The following DISP1 variants were observed in gnomAD, a reference collection of about 807,000 sequenced individuals.
The protein encoded by DISP1 is protein dispatched homolog 1.
In DISP1, 30 loss-of-function variants were observed where a neutral mutation model predicts 37.3. The ratio of observed to expected loss-of-function variants is 0.80; its 90% CI spans 0.60 to 1.09. The LOEUF is 1.09. Ranked by LOEUF, DISP1 falls within the 50% of genes least tolerant of loss-of-function variation. The pLI is 0.00. For missense variants in DISP1, 1,598 were observed against 1,879.5 expected (o/e 0.85, Z 2.77); for synonymous variants, 634 against 690.2 (o/e 0.92, Z 1.28).
At chr1:222,935,351 C>G (rs1362041184) in intron 2 of DISP1, among the ~76,000 whole-genome samples, 1 of 152,106 alleles carries the variant, frequency 6.6e-6, no homozygotes, top group Non-Finnish European at 1.5e-5. Flanking sequence ...TCTGGTGAAG[C>G]AAAGAGTTAT....
intron 1 of DISP1, among the ~76,000 whole-genome samples, chr1:222,820,744 C>A (rs954654302): frequency 5.3e-5 from 8 of 152,290 alleles, no homozygotes; most frequent in African/African-American, 1.9e-4. Flanking sequence ...GTAATACCTA[C>A]CGTACATAGT....
At position 223,002,579 on chromosome 1, in the gene DISP1, G is replaced by C. The variant is rs774472223; in HGVS notation, c.1182G>C (p.Leu394=). 1.2e-6 allele frequency: 2 copies of C among 1,614,198 alleles called. No homozygotes were observed. Among genetic ancestry groups the C allele is most frequent in the Admixed American group, 1.7e-5 (1 of 60,024 alleles). Residue 394 remains leucine, a synonymous_variant, in exon 9 of 9, where the codon CTG becomes CTC. Coordinates refer to ENST00000675850, the MANE Select transcript of DISP1 (RefSeq NM_001377229.1). ...CCAAACACTACCAAAATGGCACTCT[G>C]GGGCCAGACTGCTGGGACATGGCAG... ...TCAKHYQNGT[L]GPDCWDMAAR...
rs1321796073 is a variant in DISP1 at position 222,837,564 on chromosome 1, G to T, written c.-159+22486G>T. On this transcript the variant is annotated intron_variant, in intron 1 of 8. Coordinates refer to ENST00000675850, the MANE Select transcript of DISP1 (RefSeq NM_001377229.1). ...TATTCACTTTCCATCTATTGTGGGT[G>T]GGGCACAATGCTAAATGTAATGATC... 2.6e-5 allele frequency among the ~76,000 whole-genome samples: 4 copies of T among 152,206 alleles called. No individual in the cohort carries two copies. The East Asian group carries it at 7.7e-4, about 29-fold the overall frequency.
chr1:222,955,141 C>T (rs1368939655), intron 3 of DISP1, among the ~76,000 whole-genome samples: 3 of 151,016 alleles, frequency 2.0e-5, no homozygotes, highest in Non-Finnish European at 2.9e-5. Context: ...GGCTAGAGTG[C>T]AGTGGCACAA....
At chr1:222,957,940 G>T (rs919476304) in intron 3 of DISP1, among the ~76,000 whole-genome samples, 2 of 152,158 alleles carry the variant, frequency 1.3e-5, no homozygotes, top group Admixed American at 1.3e-4. Context: ...CCAGTTTATA[G>T]GATTTTTGAG....
At chr1:222,907,193 G>A (rs1671948115) in intron 1 of DISP1, among the ~76,000 whole-genome samples, 2 of 152,194 alleles carry the variant, frequency 1.3e-5, no homozygotes, top group Admixed American at 1.3e-4. Context: ...TTGGTCAAGA[G>A]GTGAGCTCAG....
At chr1:222,980,857 G>A (rs1677780749) in intron 3 of DISP1, among the ~76,000 whole-genome samples, 1 of 152,196 alleles carries the variant, frequency 6.6e-6, no homozygotes, top group Admixed American at 6.5e-5. Flanking sequence ...GGCCCAGGCG[G>A]GTGGGAGGTC....
At chr1:222,863,461 A>G (rs1015238075) in intron 1 of DISP1, among the ~76,000 whole-genome samples, 1 of 151,472 alleles carries the variant, frequency 6.6e-6, no homozygotes, top group Non-Finnish European at 1.5e-5. Flanking sequence ...GGGTGGGGTG[A>G]GGGAGCTCAA....
At chr1:222,902,063 C>G (rs1267205546) in intron 1 of DISP1, among the ~76,000 whole-genome samples, 1 of 151,738 alleles carries the variant, frequency 6.6e-6, no homozygotes, top group Non-Finnish European at 1.5e-5. Flanking sequence ...CTTTATTAGT[C>G]TTGCTAGCGG....
At chr1:222,957,496 G>A (rs972311689) in intron 3 of DISP1, among the ~76,000 whole-genome samples, 5 of 152,258 alleles carry the variant, frequency 3.3e-5, no homozygotes, top group Non-Finnish European at 7.4e-5. Flanking sequence ...AGCTGAGGCA[G>A]GAGAATTGCT....
At chr1:222,958,635 A>T (rs2609362) in intron 3 of DISP1, among the ~76,000 whole-genome samples, 148,929 of 152,312 alleles carry the variant, frequency 0.98, 72,892 homozygotes, top group East Asian at 1. Flanking sequence ...AGTTTAGAAA[A>T]TATATATTTT....
At chr1:222,970,818 G>A (rs1358327929) in intron 3 of DISP1, among the ~76,000 whole-genome samples, 1 of 152,024 alleles carries the variant, frequency 6.6e-6, no homozygotes, top group East Asian at 1.9e-4. Context: ...GGGTGTCACT[G>A]GCATGTATAA....
Position 223,005,768 on chromosome 1 carries a change from G to GA in DISP1, c.4373dup (p.Asn1458LysfsTer2), listed in dbSNP as rs1679867624. On this transcript the variant is annotated frameshift_variant, in exon 9 of 9. Coordinates refer to ENST00000675850, the MANE Select transcript of DISP1 (RefSeq NM_001377229.1). LOFTEE classifies it low-confidence loss of function (END_TRUNC). ...GTGTGAACTCAGAACATTTCAATCA[G>GA]AATGAACCAAAAGTCCTATTTAATC... 6.8e-6 allele frequency: 11 copies of GA among 1,614,238 alleles called. No homozygotes were observed. In the East Asian group the frequency reaches 2.2e-4, roughly 33 times the overall value.
chr1:222,885,399 A>G (rs1248796246), intron 1 of DISP1, among the ~76,000 whole-genome samples: 1 of 151,818 alleles, frequency 6.6e-6, no homozygotes, highest in African/African-American at 2.4e-5. Context: ...AAGTACCACA[A>G]GATATTCCAG....
At chr1:222,900,221 C>G (rs954786538) in intron 1 of DISP1, among the ~76,000 whole-genome samples, 1 of 152,152 alleles carries the variant, frequency 6.6e-6, no homozygotes, top group Non-Finnish European at 1.5e-5. Context: ...GTTTGAATGT[C>G]AATTCTATCA....
intron 1 of DISP1, among the ~76,000 whole-genome samples, chr1:222,817,013 C>T (rs1015195969): frequency 6.6e-6 from 1 of 152,202 alleles, no homozygotes; most frequent in African/African-American, 2.4e-5. Context: ...AGGAAGTGCT[C>T]GTTGTTGAAA....
Position 222,820,959 on chromosome 1 carries a change from A to G in DISP1, c.-159+5881A>G, listed in dbSNP as rs1225524943. ...GTCTTTTTTATTTTTATTTTTTTAA[A>G]CTTATTTTATTTTATTTTTTGTGAC... On this transcript the variant is annotated intron_variant, in intron 1 of 8. Coordinates refer to ENST00000675850, the MANE Select transcript of DISP1 (RefSeq NM_001377229.1). Among the ~76,000 whole-genome samples, 4 of 151,992 alleles carry G rather than the reference A, an allele frequency of 2.6e-5. No homozygotes were observed. In the East Asian group the frequency reaches 7.7e-4, roughly 29 times the overall value.
intron 1 of DISP1, among the ~76,000 whole-genome samples, chr1:222,833,913 A>T (rs975346984): frequency 1.3e-5 from 2 of 152,216 alleles, no homozygotes; most frequent in African/African-American, 2.4e-5. Flanking sequence ...GGTTGTTGCA[A>T]TAAGGCTTAA....
intron 2 of DISP1, among the ~76,000 whole-genome samples, chr1:222,939,984 G>C (rs1674264364): frequency 6.6e-6 from 1 of 152,034 alleles, no homozygotes; most frequent in Non-Finnish European, 1.5e-5. Context: ...AAATTAGCCA[G>C]GCGTGGTGGT....
Sources: allele counts gnomAD v4.1 joint callset (sites outside exome capture counted in the v4.1 genomes callset), GRCh38; gene constraint gnomAD v4.1.1; transcripts MANE v1.5; gene names NCBI Gene and HGNC (gene_info 2026-07-23, HGNC 2026-07-21).